Variants in DNAJC12 observed in about 807,000 individuals in gnomAD.
The protein encoded by DNAJC12 is DnaJ heat shock protein family (Hsp40) member C12.
In DNAJC12, 25 loss-of-function variants were observed where a neutral mutation model predicts 28.5. That is an observed-to-expected ratio of 0.88 (90% confidence interval 0.64 to 1.22). The LOEUF (loss-of-function observed/expected upper bound fraction) is 1.22, where lower values mean the gene tolerates loss of function less well. Ranked by LOEUF, DNAJC12 falls within the 50% of genes most tolerant of loss-of-function variation. The pLI, the probability that DNAJC12 is intolerant of heterozygous loss-of-function variation, is 0.00. For missense variants in DNAJC12, 222 were observed against 231.7 expected, an observed-to-expected ratio of 0.96 and a Z score of 0.27; for synonymous variants, 77 against 80.6, an observed-to-expected ratio of 0.95 and a Z score of 0.24.
intron 4 of DNAJC12, among the ~76,000 whole-genome samples, chr10:67,803,403 G>T (rs924441409): frequency 6.6e-6 from 1 of 152,196 alleles, no homozygotes; most frequent in African/African-American, 2.4e-5. Context: ...ATAGTGGAAG[G>T]AAACACACCT....
At chr10:67,828,285 A>G (rs1340853715) in intron 1 of DNAJC12, among the ~76,000 whole-genome samples, 1 of 152,128 alleles carries the variant, frequency 6.6e-6, no homozygotes, top group East Asian at 1.9e-4. Flanking sequence ...GTGTGTATAT[A>G]TATGTGTGTG....
At chr10:67,810,639 G>A (rs1473826158) in intron 3 of DNAJC12, among the ~76,000 whole-genome samples, 3 of 152,152 alleles carry the variant, frequency 2.0e-5, no homozygotes, top group Non-Finnish European at 4.4e-5. Flanking sequence ...AGCCAGGTGC[G>A]ATGGCTCATG....
intron 4 of DNAJC12, among the ~76,000 whole-genome samples, chr10:67,799,878 C>CAAAA (rs56055620): frequency 0.12 from 15,604 of 128,256 alleles, 1,707 homozygotes; most frequent in East Asian, 0.42. Context: ...GCGAGACTGT[C>CAAAA]AAAAAAAAAA....
intron 1 of DNAJC12, among the ~76,000 whole-genome samples, chr10:67,837,149 G>A (rs1036525847): frequency 2.0e-5 from 3 of 151,838 alleles, no homozygotes; most frequent in Non-Finnish European, 4.4e-5. Flanking sequence ...GTTATAATAC[G>A]AATGGGTAAA....
chr10:67,805,506 T>C, intron 4 of DNAJC12, 77 bp downstream of exon 4: 2 of 1,450,806 alleles, frequency 1.4e-6, no homozygotes, highest in Non-Finnish European at 1.9e-6. Context: ...ATTGAAAAAG[T>C]TAAGAATAAA....
chr10:67,808,744 G>A (rs1166298318), intron 3 of DNAJC12: 1 of 151,964 alleles, frequency 6.6e-6, no homozygotes, highest in East Asian at 1.9e-4. Flanking sequence ...AAAATTGACT[G>A]GTTATTATTA....
At chr10:67,816,589 A>G (rs2131801539) in intron 2 of DNAJC12, among the ~76,000 whole-genome samples, 2 of 143,962 alleles carry the variant, frequency 1.4e-5, no homozygotes, top group South Asian at 4.3e-4. Context: ...TCTATAGCCC[A>G]GGCTGGAGCA....
At position 67,796,997 on chromosome 10, in the gene DNAJC12, G is replaced by A. The variant is rs1459651632; in HGVS notation, c.*119C>T. The A allele has an allele frequency of 4.4e-6, 3 of 685,528 alleles. No homozygotes were observed. The highest frequency in any genetic ancestry group is 1.8e-5 in the African/African-American group (1 of 54,956). The allele number at this position is 685,528 out of a possible 1,614,324, so 42.5% of individuals were successfully genotyped here. On this transcript the variant is annotated 3_prime_UTR_variant, in exon 5 of 5. Coordinates refer to ENST00000225171, the MANE Select transcript of DNAJC12 (RefSeq NM_021800.3). ...GATTCAAGGATGGAGGAATCAATTA[G>A]TACTCAGCAATTCACAGACATGACA...
intron 2 of DNAJC12, among the ~76,000 whole-genome samples, chr10:67,819,190 G>C (rs984360387): frequency 2.6e-5 from 4 of 151,930 alleles, no homozygotes; most frequent in African/African-American, 9.7e-5. Context: ...AAAATTAGCC[G>C]GGCGCGGTGG....
At chr10:67,816,234 T>G in intron 2 of DNAJC12, 1 of 394,946 alleles carries the variant, frequency 2.5e-6, no homozygotes, top group Non-Finnish European at 4.5e-6. Context: ...ACTTAAGAAA[T>G]AATAATATGA....
At chr10:67,805,811 A>G in intron 3 of DNAJC12, 24 bp from the exon 4 acceptor site, 1 of 1,511,848 alleles carries the variant, frequency 6.6e-7, no homozygotes, top group Non-Finnish European at 8.8e-7. Flanking sequence ...AAGCAGAGAT[A>G]TAAAAATTAA....
intron 2 of DNAJC12, among the ~76,000 whole-genome samples, chr10:67,815,727 C>T (rs1188911021): frequency 1.3e-5 from 2 of 152,130 alleles, no homozygotes; most frequent in African/African-American, 2.4e-5. Context: ...CAAGGATGCA[C>T]ATGCCAGTTG....
At chr10:67,804,421 A>T (rs1427354789) in intron 4 of DNAJC12, among the ~76,000 whole-genome samples, 3 of 152,170 alleles carry the variant, frequency 2.0e-5, no homozygotes, top group Non-Finnish European at 4.4e-5. Context: ...TAATCACAGG[A>T]GTGATCATCA....
At chr10:67,830,742 T>A (rs1299081973) in intron 1 of DNAJC12, among the ~76,000 whole-genome samples, 1 of 152,208 alleles carries the variant, frequency 6.6e-6, no homozygotes, top group Non-Finnish European at 1.5e-5. Context: ...TGTATGAGGT[T>A]AATACTATCA....
chr10:67,797,330 G>T, intron 4 of DNAJC12, 120 bp from the exon 5 acceptor site: 1 of 685,164 alleles, frequency 1.5e-6, no homozygotes, highest in Non-Finnish European at 2.4e-6. Flanking sequence ...GTAAGACTTT[G>T]GTATGAATTA....
At chr10:67,807,493 T>TAA (rs74443346) in intron 3 of DNAJC12, among the ~76,000 whole-genome samples, 1 of 148,232 alleles carries the variant, frequency 6.7e-6, no homozygotes, top group Non-Finnish European at 1.5e-5. Context: ...CAGCTGGTAT[T>TAA]AAAAAAAAAA....
chr10:67,798,980 G>C (rs181412546), intron 4 of DNAJC12, among the ~76,000 whole-genome samples: 2 of 152,012 alleles, frequency 1.3e-5, no homozygotes, highest in African/African-American at 4.8e-5. Context: ...GGTCAGGCTG[G>C]TCTCAAATTC....
chr10:67,797,065 G>A lies in DNAJC12; in HGVS notation c.*51C>T. Reference sequence around the variant, plus strand: ...AGACATAAACAAAGACTGCATGTTGGCAGCATAGGGGACAGTCTTGCTCTT... The same window carrying A: ...AGACATAAACAAAGACTGCATGTTGACAGCATAGGGGACAGTCTTGCTCTT... On this transcript the variant is annotated 3_prime_UTR_variant, in exon 5 of 5. Transcript: ENST00000225171. 7.1e-7 allele frequency: 1 copy of A among 1,409,828 alleles called. No individual in the cohort carries two copies. The allele number at this position is 1,409,828 out of a possible 1,614,324, so 87.3% of individuals were successfully genotyped here.
At chr10:67,806,925 C>G (rs936038816) in intron 3 of DNAJC12, among the ~76,000 whole-genome samples, 1 of 151,498 alleles carries the variant, frequency 6.6e-6, no homozygotes, top group Non-Finnish European at 1.5e-5. Context: ...TTTGTATTTC[C>G]CAAATTTTCT....
Sources: allele counts gnomAD v4.1 joint callset (sites outside exome capture counted in the v4.1 genomes callset), GRCh38; gene constraint gnomAD v4.1.1; transcripts MANE v1.5; gene names NCBI Gene and HGNC (gene_info 2026-07-23, HGNC 2026-07-21).